Variants in BRD3 observed in about 807,000 individuals in gnomAD.
The protein encoded by BRD3 is bromodomain containing 3.
Under a neutral mutation model 66.8 loss-of-function variants are expected in BRD3, and 17 were observed. The ratio of observed to expected loss-of-function variants is 0.25; its 90% CI spans 0.17 to 0.38. The LOEUF (loss-of-function observed/expected upper bound fraction) is 0.38. BRD3 is among the 10% of genes least tolerant of loss of function. The probability of loss-of-function intolerance (pLI) is 1.00; values close to 1 mark genes in which losing one functional copy is unlikely to be tolerated. For synonymous variants in BRD3, 421 were observed against 393.2 expected, an observed-to-expected ratio of 1.07 and a Z score of -0.84; for missense variants, 713 against 956.1, an observed-to-expected ratio of 0.75 and a Z score of 3.35.
rs1431672353 is a variant in BRD3, at chr9:134,050,402, A to G, written c.686T>C (p.Val229Ala). The change falls in exon 5 of 12, where the codon GTG becomes GCG. Residue 229 changes from valine (V) to alanine (A), a missense_variant. This residue lies in a region of BRD3 where 120 missense variants were observed against 122.8 expected (regional missense o/e 0.98). Coordinates refer to ENST00000303407, the MANE Select transcript of BRD3 (RefSeq NM_007371.4). Reference sequence around the variant, plus strand: ...GACGACAGGCGGCGTAGGAGGGACCACGGGGACGATGGGTGTGGCAGGAGG... The same window carrying G: ...GACGACAGGCGGCGTAGGAGGGACCGCGGGGACGATGGGTGTGGCAGGAGG... ...PPPPATPIVPVVPPTPPVVKK... is the reference protein window; with the variant it reads ...PPPPATPIVPAVPPTPPVVKK... 2 of 1,611,896 alleles carry G rather than the reference A, an allele frequency of 1.2e-6. No homozygotes were observed. The highest frequency in any genetic ancestry group is 1.1e-5 in the South Asian group (1 of 90,956).
At chr9:134,052,167 A>T in intron 3 of BRD3, 139 bp downstream of exon 3, 3 of 1,082,384 alleles carry the variant, frequency 2.8e-6, no homozygotes, top group Non-Finnish European at 3.9e-6. Flanking sequence ...TGCTGGGATT[A>T]CAGGTGTGAG....
intron 3 of BRD3, among the ~76,000 whole-genome samples, 166 bp from the exon 4 acceptor site, chr9:134,051,875 G>GTTTTTTTTT (rs377287416): frequency 9.9e-6 from 1 of 101,012 alleles, no homozygotes; most frequent in African/African-American, 4.1e-5. Context: ...GTGTGTGTGT[G>GTTTTTTTTT]TGTTGTTTTT....
intron 5 of BRD3, among the ~76,000 whole-genome samples, chr9:134,049,499 G>A (rs1396571274): frequency 6.6e-6 from 1 of 152,234 alleles, no homozygotes; most frequent in East Asian, 1.9e-4. Flanking sequence ...GTGCTGCCAA[G>A]CGCCAGGCGC....
At position 134,048,049 on chromosome 9, in the gene BRD3, T is replaced by C. The variant is rs759314625; in HGVS notation, c.1086+34A>G. On this transcript the variant is annotated intron_variant, in intron 6 of 11. Transcript: ENST00000303407. ...GCACCCACGGCAGAGCCGCAGGACA[T>C]GGGCAGAGCAGGGCCTGCCGCGCGG... 18 of 1,521,338 alleles carry C rather than the reference T, an allele frequency of 1.2e-5. No homozygotes were observed. The Admixed American group carries it at 2.5e-4, about 21-fold the overall frequency. 94.2% of individuals were successfully genotyped at this position (1,521,338 alleles called of 1,614,324 possible).
Position 134,033,580 on chromosome 9 carries a change from C to T in BRD3, c.*10G>A, listed in dbSNP as rs776610067. ...CGACATCCATCTGTCCTGTTCTGTC[C>T]GAAGCCAGTTCATTCTGAGTCACTG... On this transcript the variant is annotated 3_prime_UTR_variant, in exon 12 of 12. Coordinates refer to ENST00000303407, the MANE Select transcript of BRD3 (RefSeq NM_007371.4). The surrounding 1 kb of genome is among the most constrained non-coding windows in gnomAD (Gnocchi z 5.1). 16 of 750,708 alleles carry T rather than the reference C, an allele frequency of 2.1e-5. No homozygotes were observed. The highest frequency in any genetic ancestry group is 1.1e-4 in the Admixed American group (6 of 55,130). 46.5% of individuals were successfully genotyped at this position (750,708 alleles called of 1,614,324 possible). A position where few individuals can be genotyped will look rare whatever the true frequency, so the allele number is the denominator to read the frequency against.
At chr9:134,067,597 T>C (rs1830693954) in intron 1 of BRD3, among the ~76,000 whole-genome samples, 1 of 145,146 alleles carries the variant, frequency 6.9e-6, no homozygotes, top group Admixed American at 6.8e-5. Context: ...GAGGCCGGGC[T>C]GGCGCGGGGC....
rs148618606 is a variant in BRD3, at chr9:134,050,467, G to A, written c.621C>T (p.Asn207=). 2.3e-5 allele frequency: 37 copies of A among 1,612,292 alleles called. No individual in the cohort carries two copies. The highest frequency in any genetic ancestry group is 1.3e-4 in the East Asian group (6 of 44,878). The change falls in exon 5 of 12, where the codon AAC becomes AAT. Residue 207 remains asparagine (N), a synonymous_variant. Coordinates refer to ENST00000303407, the MANE Select transcript of BRD3 (RefSeq NM_007371.4). ...AATPVPTITA[N]VTSVPVPPAA... is the part of the protein sequence containing the mutation. ...CTGGGGGGACTGGGACCGACGTGACGTTTGCAGTGATGGTTGGTACAGGGG... is the reference window on the plus strand; with the variant it reads ...CTGGGGGGACTGGGACCGACGTGACATTTGCAGTGATGGTTGGTACAGGGG...
At position 134,033,332 on chromosome 9, in the gene BRD3, G is replaced by A. The variant is rs1196212120; in HGVS notation, c.*258C>T. 1 of 445,252 alleles carries A rather than the reference G, an allele frequency of 2.2e-6. No homozygotes were observed. Among genetic ancestry groups the A allele is most frequent in the East Asian group, 3.4e-5 (1 of 29,272 alleles). The allele number at this position is 445,252 out of a possible 1,614,324, so 27.6% of individuals were successfully genotyped here. On this transcript the variant is annotated 3_prime_UTR_variant, in exon 12 of 12. Transcript: ENST00000303407. The surrounding 1 kb of genome is among the most constrained non-coding windows in gnomAD (Gnocchi z 5.1). ...TTCTGGGGTCATCGGGTTAGCATTT[G>A]AAGTTGTCATCTCCAAGTGACTGAA...
At chr9:134,068,100 CCCGCGCCGGGG>C (rs1830712042), upstream of BRD3, 1 of 143,848 alleles carries the variant, frequency 7.0e-6, no homozygotes, top group Non-Finnish European at 1.5e-5. Flanking sequence ...CGCGGCCGGG[CCCGCGCCGGGG>C]CCGCCCAGGG....
intron 1 of BRD3, among the ~76,000 whole-genome samples, chr9:134,065,718 T>C (rs1024535271): frequency 2.0e-5 from 3 of 152,292 alleles, no homozygotes; most frequent in East Asian, 3.9e-4. Context: ...GTTGGTTTTG[T>C]GCCAATCACC....
rs1463973163 is a variant in BRD3, at chr9:134,041,936, T to C, written c.1231A>G (p.Arg411Gly). Residue 411 changes from arginine to glycine, a missense_variant, in exon 8 of 12, where the codon AGG becomes GGG. Physicochemically the swap from Arg to Gly is moderately radical, Grantham distance 125 (BLOSUM62 -2). Around this residue, in one of 5 missense-constraint regions of BRD3, gnomAD observed 418 missense variants for 609.3 expected, o/e 0.69. Coordinates refer to ENST00000303407, the MANE Select transcript of BRD3 (RefSeq NM_007371.4). ...GGCTCATCTGGCATCTTGGCAAACC[T>C]CATCTCAAACACGTCCTGCGGCAGA... ...ARKLQDVFEM[R>G]FAKMPDEPVE... The C allele has an allele frequency of 6.3e-7, 1 of 1,590,932 alleles. No individual in the cohort carries two copies. The highest frequency in any genetic ancestry group is 8.6e-7 in the Non-Finnish European group (1 of 1,166,380).
In BRD3 at chr9:134,040,191, CCTT is replaced by C. The variant is rs1425981099; in HGVS notation, c.1483_1485del (p.Lys495del). ...TTGTCCTTCTTCTTCTTCTCCTTCT[CCTT>C]CTTCTCCTTCTTCTTCTTTGGTTTG... On this transcript the variant is annotated inframe_deletion, in exon 9 of 12. Coordinates refer to ENST00000303407, the MANE Select transcript of BRD3 (RefSeq NM_007371.4). 8.9e-6 allele frequency: 14 copies of C among 1,570,348 alleles called. No individual in the cohort carries two copies. Among genetic ancestry groups the C allele is most frequent in the African/African-American group, 2.7e-5 (2 of 73,948 alleles).
intron 1 of BRD3, chr9:134,058,010 G>A: frequency 6.6e-6 from 1 of 152,368 alleles, no homozygotes; most frequent in African/African-American, 2.4e-5. Flanking sequence ...CTGCGAGAGG[G>A]AGGCATGGAG....
chr9:134,051,889 GTTTTT>G (rs886259053), intron 3 of BRD3, among the ~76,000 whole-genome samples, 180 bp from the exon 4 acceptor site: 8 of 59,020 alleles, frequency 1.4e-4, no homozygotes, highest in Non-Finnish European at 2.1e-4. Context: ...TGTTTTTTTT[GTTTTT>G]TTTTTTTTTT....
chr9:134,036,240 T>C lies in BRD3; in HGVS notation c.1728A>G (p.Glu576=). ...TGATGTCCAGGCTAAGCTGGCGCTT[T>C]TCATCGTAGCTCATGGGCAGGCCCT... The part of the protein sequence containing the change: ...EEEGLPMSYD[E]KRQLSLDINR... Residue 576 remains glutamate, a synonymous_variant, in exon 10 of 12, where the codon GAA becomes GAG. Coordinates refer to ENST00000303407, the MANE Select transcript of BRD3 (RefSeq NM_007371.4). 6 of 1,614,174 alleles carry C rather than the reference T, an allele frequency of 3.7e-6. No homozygotes were observed. The highest frequency in any genetic ancestry group is 5.1e-6 in the Non-Finnish European group (6 of 1,180,034).
rs910050996 is a variant in BRD3 at position 134,033,164 on chromosome 9, G to A, written c.*426C>T. On this transcript the variant is annotated 3_prime_UTR_variant, in exon 12 of 12. Coordinates refer to ENST00000303407, the MANE Select transcript of BRD3 (RefSeq NM_007371.4). The surrounding 1 kb of genome is among the most constrained non-coding windows in gnomAD (Gnocchi z 5.1). ...GGGGCCCAAATGACAAGGACAATGC[G>A]TGTTGACAAAGCTAACAGCTTTCAA... 14 of 401,172 alleles carry A rather than the reference G, an allele frequency of 3.5e-5. No homozygotes were observed. The highest frequency in any genetic ancestry group is 1.6e-4 in the African/African-American group (8 of 48,658). 24.9% of individuals were successfully genotyped at this position (401,172 alleles called of 1,614,324 possible). A position where few individuals can be genotyped will look rare whatever the true frequency, so the allele number is the denominator to read the frequency against.
At chr9:134,067,064 A>ACG (rs1830675808) in intron 1 of BRD3, among the ~76,000 whole-genome samples, 1 of 152,154 alleles carries the variant, frequency 6.6e-6, no homozygotes, top group Non-Finnish European at 1.5e-5. Context: ...CACCAGGGCC[A>ACG]TGTGGGTGTA....
rs200849858 is a variant in BRD3, at chr9:134,051,721, G to A, written c.352-12C>T. The A allele has an allele frequency of 3.2e-5, 51 of 1,590,864 alleles. No individual in the cohort carries two copies. In the Admixed American group the frequency reaches 8.4e-4, roughly 26 times the overall value. The stretch of plus-strand genomic sequence containing the variant: ...ATGTCATCTGTGGGCTGAAGACACA[G>A]AGAGTCCAGGTCACGTGTCAGGAAA... On this transcript the variant is annotated splice_polypyrimidine_tract_variant and intron_variant, in intron 3 of 11. Transcript: ENST00000303407.
At chr9:134,065,187 G>A (rs963152566) in intron 1 of BRD3, among the ~76,000 whole-genome samples, 1 of 152,236 alleles carries the variant, frequency 6.6e-6, no homozygotes. Context: ...CACTTTGGGA[G>A]GCCAAGGCAG....
Sources: allele counts gnomAD v4.1 joint callset (sites outside exome capture counted in the v4.1 genomes callset), GRCh38; gene constraint gnomAD v4.1.1; regional missense constraint gnomAD v4.1.1; non-coding constraint Gnocchi (gnomAD v3.1); transcripts MANE v1.5; gene names NCBI Gene and HGNC (gene_info 2026-07-23, HGNC 2026-07-21).